C12orf54: variants seen among roughly 807,000 people sequenced by gnomAD.
C12orf54 encodes chromosome 12 open reading frame 54, also known as uncharacterized protein C12orf54.
C12orf54 carries 24 observed loss-of-function variants against 26.4 expected under a neutral mutation model. That is an observed-to-expected ratio of 0.91 (90% CI 0.66 to 1.28). The LOEUF (loss-of-function observed/expected upper bound fraction) is 1.28, where lower values mean the gene tolerates loss of function less well. C12orf54 is among the 50% of genes most tolerant of loss of function. The pLI, the probability that C12orf54 is intolerant of heterozygous loss-of-function variation, is 0.00. For missense variants in C12orf54, 154 were observed against 150.9 expected (o/e 1.02, Z -0.11); for synonymous variants, 54 against 47.0 (o/e 1.15, Z -0.61).
chr12:48,449,125 C>A, the C12orf54 span, among the ~76,000 whole-genome samples: 1 of 152,142 alleles, frequency 6.6e-6, no homozygotes, highest in Non-Finnish European at 1.5e-5. Flanking sequence ...AAATCAAGGT[C>A]CTTTTGAAGT....
upstream of C12orf54, among the ~76,000 whole-genome samples, chr12:48,480,823 T>C (rs1954191005): frequency 6.6e-6 from 1 of 152,100 alleles, no homozygotes; most frequent in Non-Finnish European, 1.5e-5. Flanking sequence ...CCATCAATCA[T>C]GGATGGGATA....
chr12:48,458,816 A>T, the C12orf54 span, among the ~76,000 whole-genome samples: 2 of 152,012 alleles, frequency 1.3e-5, no homozygotes, highest in African/African-American at 4.8e-5. Context: ...ACGATTAAGC[A>T]TGCATGAGCA....
chr12:48,457,222 A>G, the C12orf54 span, among the ~76,000 whole-genome samples: 6 of 152,220 alleles, frequency 3.9e-5, no homozygotes, highest in African/African-American at 1.2e-4. Flanking sequence ...GCCCGAACTC[A>G]GAAGAATGGG....
At chr12:48,462,959 C>T in the C12orf54 span, among the ~76,000 whole-genome samples, 9 of 151,890 alleles carry the variant, frequency 5.9e-5, no homozygotes, top group East Asian at 1.5e-3. Flanking sequence ...TAAAACTGTG[C>T]TTATTCATAG....
the C12orf54 span, among the ~76,000 whole-genome samples, chr12:48,470,437 G>A: frequency 6.6e-6 from 1 of 152,012 alleles, no homozygotes; most frequent in Non-Finnish European, 1.5e-5. Context: ...GCATTTCTCT[G>A]ATGAGCATTT....
the C12orf54 span, among the ~76,000 whole-genome samples, chr12:48,416,218 G>T: frequency 6.6e-6 from 1 of 152,174 alleles, no homozygotes; most frequent in African/African-American, 2.4e-5. Flanking sequence ...AGAGAAGCCA[G>T]AGTAATCTTT....
At chr12:48,467,306 C>T in the C12orf54 span, among the ~76,000 whole-genome samples, 43 of 152,234 alleles carry the variant, frequency 2.8e-4, no homozygotes, top group South Asian at 6.2e-4. Context: ...TTAGAAGAAA[C>T]GAACCCTGTC....
the C12orf54 span, among the ~76,000 whole-genome samples, chr12:48,455,947 A>G: frequency 4.6e-5 from 7 of 152,218 alleles, no homozygotes; most frequent in African/African-American, 1.7e-4. Flanking sequence ...AATAATTAAA[A>G]AATAACGTGA....
the C12orf54 span, among the ~76,000 whole-genome samples, chr12:48,432,515 CAGAA>C: frequency 0.31 from 46,771 of 151,842 alleles, 7,669 homozygotes; most frequent in African/African-American, 0.35. Flanking sequence ...TTGATCCTAA[CAGAA>C]AGATATCTAT....
chr12:48,463,728 C>T, the C12orf54 span, among the ~76,000 whole-genome samples: 4 of 152,026 alleles, frequency 2.6e-5, no homozygotes, highest in African/African-American at 9.7e-5. Flanking sequence ...AAAGCTTAAC[C>T]ACCATGATCA....
chr12:48,485,796 G>T (rs1954254293), intron 2 of C12orf54, among the ~76,000 whole-genome samples: 1 of 152,206 alleles, frequency 6.6e-6, no homozygotes, highest in Admixed American at 6.5e-5. Context: ...GAAGCAGTTT[G>T]CTAATTGAGT....
the C12orf54 span, among the ~76,000 whole-genome samples, chr12:48,447,029 A>G: frequency 0.07 from 10,644 of 152,238 alleles, 1,248 homozygotes; most frequent in African/African-American, 0.24. Flanking sequence ...TTAGTGATAT[A>G]TATAATTCAC....
intron 6 of C12orf54, 38 bp downstream of exon 6, chr12:48,490,874 A>C: frequency 6.2e-7 from 1 of 1,605,246 alleles, no homozygotes; most frequent in South Asian, 1.1e-5. Context: ...AAAAGGAAAC[A>C]AGGGAGGGGA....
At chr12:48,486,149 A>C (rs768881712) in intron 2 of C12orf54, 29 bp from the exon 3 acceptor site, 1 of 1,596,020 alleles carries the variant, frequency 6.3e-7, no homozygotes, top group East Asian at 2.2e-5. Context: ...TGTGCTCCTC[A>C]TCAGGTTTAT....
At chr12:48,484,277 C>G (rs1215607827) in intron 2 of C12orf54, among the ~76,000 whole-genome samples, 1 of 152,168 alleles carries the variant, frequency 6.6e-6, no homozygotes, top group East Asian at 1.9e-4. Flanking sequence ...GTTAACTGGA[C>G]CTCAAGCCTG....
At chr12:48,422,249 C>T in the C12orf54 span, among the ~76,000 whole-genome samples, 2 of 152,138 alleles carry the variant, frequency 1.3e-5, no homozygotes, top group Non-Finnish European at 2.9e-5. Context: ...AATCAGGGAG[C>T]TGCTATTGCT....
chr12:48,435,124 C>G, the C12orf54 span, among the ~76,000 whole-genome samples: 1 of 152,114 alleles, frequency 6.6e-6, no homozygotes, highest in Admixed American at 6.5e-5. Context: ...GCACAAGCCT[C>G]AGTAACTGAT....
At chr12:48,489,566 C>A (rs1229159914) in intron 5 of C12orf54, among the ~76,000 whole-genome samples, 1 of 152,028 alleles carries the variant, frequency 6.6e-6, no homozygotes, top group African/African-American at 2.4e-5. Flanking sequence ...GCTGGGACTA[C>A]CACACCCAGC....
chr12:48,473,512 T>C, the C12orf54 span: 1 of 388,812 alleles, frequency 2.6e-6, no homozygotes. Context: ...ACTTATTTTT[T>C]TCTGATTGTA....
Sources: allele counts gnomAD v4.1 joint callset (sites outside exome capture counted in the v4.1 genomes callset), GRCh38; gene constraint gnomAD v4.1.1; transcripts MANE v1.5; gene names NCBI Gene and HGNC (gene_info 2026-07-23, HGNC 2026-07-21).